Variants in ACTR3C observed in about 807,000 individuals in gnomAD.
ACTR3C encodes actin-related protein 3C.
In ACTR3C, 18 loss-of-function variants were observed where a neutral mutation model predicts 26.3. The ratio of observed to expected loss-of-function variants is 0.68; its 90% CI spans 0.47 to 1.01. ACTR3C has a LOEUF of 1.01. Among genes scored for constraint, ACTR3C ranks in the 50% least tolerant of loss-of-function variants. The pLI, the probability that ACTR3C is intolerant of heterozygous loss-of-function variation, is 0.00. For synonymous variants in ACTR3C, 55 were observed against 94.5 expected, an observed-to-expected ratio of 0.58 and a Z score of 2.42; for missense variants, 184 against 250.7, an observed-to-expected ratio of 0.73 and a Z score of 1.80.
At chr7:149,973,423 G>A in the ACTR3C span, among the ~76,000 whole-genome samples, 100 of 152,318 alleles carry the variant, frequency 6.6e-4, no homozygotes, top group African/African-American at 2.3e-3. Flanking sequence ...AATTTTAAGA[G>A]CAAATACCTT....
chr7:150,095,139 G>C, the ACTR3C span, among the ~76,000 whole-genome samples: 1 of 149,322 alleles, frequency 6.7e-6, no homozygotes, highest in Non-Finnish European at 1.5e-5. Flanking sequence ...CAGCCTGAAA[G>C]CCTAATTTTT....
the ACTR3C span, among the ~76,000 whole-genome samples, chr7:150,219,857 AG>A: frequency 6.9e-6 from 1 of 144,782 alleles, no homozygotes; most frequent in Non-Finnish European, 1.5e-5. Flanking sequence ...GCTCTGGCCC[AG>A]GGGGGTCTGA....
At chr7:150,040,944 G>A in the ACTR3C span, among the ~76,000 whole-genome samples, 4 of 150,402 alleles carry the variant, frequency 2.7e-5, 1 homozygote, top group African/African-American at 1.0e-4. Context: ...TAGCAGGGCA[G>A]TTGCTGCCAA....
chr7:150,057,894 T>A, the ACTR3C span, among the ~76,000 whole-genome samples: 4 of 152,214 alleles, frequency 2.6e-5, no homozygotes, highest in East Asian at 5.8e-4. Flanking sequence ...ATCCACAGAC[T>A]CTTCTATCTC....
At chr7:150,240,113 T>C (rs188896524), downstream of ACTR3C, among the ~76,000 whole-genome samples, 1,261 of 152,312 alleles carry the variant, frequency 8.3e-3, 18 homozygotes, top group African/African-American at 0.029. Context: ...AAATCAATAA[T>C]GTAAACAAAA....
the ACTR3C span, among the ~76,000 whole-genome samples, chr7:149,981,919 C>A: frequency 6.6e-6 from 1 of 152,332 alleles, no homozygotes; most frequent in South Asian, 2.1e-4. Context: ...AGTTTCTTAC[C>A]TCTCCTTCCT....
chr7:149,995,831 C>T, the ACTR3C span, among the ~76,000 whole-genome samples: 14 of 152,354 alleles, frequency 9.2e-5, no homozygotes, highest in Non-Finnish European at 1.5e-4. Flanking sequence ...GCACGCTGCA[C>T]GGTCACGGGG....
At chr7:150,103,954 T>G in the ACTR3C span, among the ~76,000 whole-genome samples, 1 of 151,974 alleles carries the variant, frequency 6.6e-6, no homozygotes, top group Non-Finnish European at 1.5e-5. Flanking sequence ...ATTACCACTA[T>G]TGGAGACGAT....
chr7:149,913,668 C>G, the ACTR3C span, among the ~76,000 whole-genome samples: 6 of 150,360 alleles, frequency 4.0e-5, no homozygotes, highest in Non-Finnish European at 7.4e-5. Context: ...TCTTAACACC[C>G]CTCGCTCACC....
At chr7:150,255,581 A>C (rs1833162646) in intron 6 of ACTR3C, among the ~76,000 whole-genome samples, 1 of 152,218 alleles carries the variant, frequency 6.6e-6, no homozygotes, top group Non-Finnish European at 1.5e-5. Context: ...CAGGGAGCCC[A>C]GTGCCCTTTA....
chr7:150,022,231 AT>A, the ACTR3C span, among the ~76,000 whole-genome samples: 1 of 151,152 alleles, frequency 6.6e-6, no homozygotes. Flanking sequence ...GATGTTGAGC[AT>A]TTTTTCATAT....
chr7:150,006,038 G>A, the ACTR3C span, among the ~76,000 whole-genome samples: 1 of 152,226 alleles, frequency 6.6e-6, no homozygotes, highest in East Asian at 1.9e-4. Context: ...AATTGCTGGA[G>A]GTTTCTAAGC....
chr7:149,981,277 G>A, the ACTR3C span, among the ~76,000 whole-genome samples: 1 of 151,984 alleles, frequency 6.6e-6, no homozygotes, highest in African/African-American at 2.4e-5. Context: ...AAGACCTCAG[G>A]AGTAGACCCC....
At chr7:150,226,973 T>A in the ACTR3C span, among the ~76,000 whole-genome samples, 1 of 150,414 alleles carries the variant, frequency 6.6e-6, no homozygotes, top group Non-Finnish European at 1.5e-5. Context: ...GGTCTGTGGC[T>A]TATCTTTCAA....
the ACTR3C span, among the ~76,000 whole-genome samples, chr7:150,094,736 C>G: frequency 5.3e-5 from 8 of 150,772 alleles, no homozygotes; most frequent in Non-Finnish European, 1.0e-4. Context: ...AAGTCCCTCA[C>G]GGAGCTCAGC....
the ACTR3C span, among the ~76,000 whole-genome samples, chr7:149,898,621 T>C: frequency 0.14 from 19,294 of 141,756 alleles, 1,715 homozygotes; most frequent in Non-Finnish European, 0.18. Context: ...GACAGGAGAA[T>C]TGCTTGAACC....
At chr7:150,039,734 GC>G in the ACTR3C span, among the ~76,000 whole-genome samples, 2 of 135,486 alleles carry the variant, frequency 1.5e-5, no homozygotes, top group African/African-American at 5.3e-5. Flanking sequence ...CCCCACCCTC[GC>G]GGGGGGTGCC....
chr7:150,061,357 C>T, the ACTR3C span, among the ~76,000 whole-genome samples: 4 of 151,260 alleles, frequency 2.6e-5, no homozygotes, highest in African/African-American at 4.9e-5. Context: ...ACAGATTCAT[C>T]GTCCAAGAAA....
At chr7:150,302,420 G>A (rs1050651888) in intron 1 of ACTR3C, among the ~76,000 whole-genome samples, 8 of 151,728 alleles carry the variant, frequency 5.3e-5, no homozygotes, top group Admixed American at 2.6e-4. Flanking sequence ...AGGAAAAACT[G>A]TATGCACAAA....
Sources: gnomAD v4.1 joint callset for allele counts (sites outside exome capture counted in the v4.1 genomes callset) on GRCh38, gnomAD v4.1.1 for gene constraint, MANE v1.5 for transcripts, NCBI Gene and HGNC (gene_info 2026-07-23, HGNC 2026-07-21) for gene names.